SNTG1: variants seen among roughly 807,000 people sequenced by gnomAD.
SNTG1 encodes gamma-1-syntrophin.
Under a neutral mutation model 74.7 loss-of-function variants are expected in SNTG1, and 39 were observed. That is an observed-to-expected ratio of 0.52 (90% confidence interval 0.40 to 0.68). SNTG1 has a LOEUF of 0.68. Among genes scored for constraint, SNTG1 ranks in the 30% least tolerant of loss-of-function variants. The probability of loss-of-function intolerance (pLI) is 0.00; values close to 1 mark genes in which losing one functional copy is unlikely to be tolerated. For synonymous variants in SNTG1, 254 were observed against 217.1 expected (o/e 1.17, Z -1.49); for missense variants, 685 against 609.5 (o/e 1.12, Z -1.30).
chr8:50,078,766 T>C (rs1452044058), intron 1 of SNTG1, among the ~76,000 whole-genome samples: 1 of 152,134 alleles, frequency 6.6e-6, no homozygotes, highest in Non-Finnish European at 1.5e-5. Context: ...CCTGTGTCCA[T>C]GTGTTCTCAT....
chr8:49,923,524 T>C (rs1403065914), intron 1 of SNTG1, among the ~76,000 whole-genome samples: 1 of 152,172 alleles, frequency 6.6e-6, no homozygotes, highest in African/African-American at 2.4e-5. Context: ...AGATCTTCAC[T>C]GTAATGAAGC....
chr8:50,058,410 A>C (rs2130920070), intron 1 of SNTG1, among the ~76,000 whole-genome samples: 1 of 152,250 alleles, frequency 6.6e-6, no homozygotes, highest in East Asian at 1.9e-4. Context: ...ACCTTATCTA[A>C]GTCTCTATTT....
rs547013040 is a variant in SNTG1, at chr8:50,365,035, A to G, written c.-27-29177A>G. On this transcript the variant is annotated intron_variant, in intron 2 of 18. Coordinates refer to ENST00000642720, the MANE Select transcript of SNTG1 (RefSeq NM_018967.5). ...CATAATTTCTATTTATTAAGCAGTT[A>G]TTTTGTCCTTGTGCTGAGTACCTTA... Among the ~76,000 whole-genome samples the G allele has an allele frequency of 1.1e-4, 16 of 152,230 alleles. No individual in the cohort carries two copies. In the East Asian group the frequency reaches 3.1e-3, roughly 29 times the overall value.
intron 8 of SNTG1, among the ~76,000 whole-genome samples, chr8:50,484,585 C>A (rs971281635): frequency 2.6e-5 from 4 of 151,352 alleles, no homozygotes; most frequent in Non-Finnish European, 5.9e-5. Context: ...CAGGGCCTGG[C>A]GCAGTGGCTC....
At chr8:50,473,744 G>A (rs2093672187) in intron 8 of SNTG1, among the ~76,000 whole-genome samples, 1 of 152,078 alleles carries the variant, frequency 6.6e-6, no homozygotes, top group Non-Finnish European at 1.5e-5. Flanking sequence ...CCAAATGGAA[G>A]GAAATCCTTT....
chr8:50,767,695 A>G (rs2095617190), intron 18 of SNTG1, among the ~76,000 whole-genome samples: 1 of 151,998 alleles, frequency 6.6e-6, no homozygotes, highest in Non-Finnish European at 1.5e-5. Flanking sequence ...AGACACTAAT[A>G]CAGCTAGGCT....
At chr8:50,775,022 A>G (rs1315433189) in intron 18 of SNTG1, among the ~76,000 whole-genome samples, 2 of 151,000 alleles carry the variant, frequency 1.3e-5, no homozygotes, top group African/African-American at 2.4e-5. Context: ...ATATACATGT[A>G]CATATATAGT....
rs1009025461 is a variant in SNTG1, at chr8:50,230,572, CA to C, written c.-28+57943del. ...TAGAAAGTATAACATAAAAACTTCT[CA>C]AAAAAGCAATCTATAGGACAAGATC... is the stretch of plus-strand genomic sequence containing the variant. On this transcript the variant is annotated intron_variant, in intron 2 of 18. Coordinates refer to ENST00000642720, the MANE Select transcript of SNTG1 (RefSeq NM_018967.5). 7.9e-5 allele frequency among the ~76,000 whole-genome samples: 12 copies of C among 151,376 alleles called. 1 individual carries two copies. The highest frequency in any genetic ancestry group is 2.2e-4 in the African/African-American group (9 of 41,470).
rs189808354 is a variant in SNTG1, at chr8:50,010,414, A to G, written c.-103+98183A>G. On this transcript the variant is annotated intron_variant, in intron 1 of 18. Coordinates refer to ENST00000642720, the MANE Select transcript of SNTG1 (RefSeq NM_018967.5). ...TGACAATTTAATAATTTTAACAATG[A>G]GATGCAATTAATTCTTGTCATAGCC... Among the ~76,000 whole-genome samples the G allele has an allele frequency of 3.3e-5, 5 of 152,296 alleles. No individual in the cohort carries two copies. In the East Asian group the frequency reaches 9.7e-4, roughly 29 times the overall value.
chr8:50,523,280 G>T (rs2094194784), intron 9 of SNTG1, among the ~76,000 whole-genome samples: 1 of 152,132 alleles, frequency 6.6e-6, no homozygotes, highest in African/African-American at 2.4e-5. Flanking sequence ...CAAAATGCAT[G>T]TGTTCACTGG....
intron 1 of SNTG1, among the ~76,000 whole-genome samples, chr8:50,074,986 G>C (rs557336640): frequency 3.3e-5 from 5 of 152,328 alleles, no homozygotes; most frequent in Admixed American, 3.3e-4. Context: ...GCCCCAGGCA[G>C]TGAGGGGCTT....
chr8:50,763,069 G>A (rs1183030825), intron 18 of SNTG1, among the ~76,000 whole-genome samples: 1 of 151,844 alleles, frequency 6.6e-6, no homozygotes, highest in African/African-American at 2.4e-5. Context: ...TGATACTTCA[G>A]GCTTCCCCAC....
At chr8:50,671,920 C>T (rs1054333620) in intron 15 of SNTG1, among the ~76,000 whole-genome samples, 2 of 151,110 alleles carry the variant, frequency 1.3e-5, no homozygotes, top group African/African-American at 4.9e-5. Flanking sequence ...TGGAAATCAT[C>T]ATTCTCAGTA....
chr8:50,493,956 T>C (rs1396491855), intron 8 of SNTG1, among the ~76,000 whole-genome samples: 4 of 151,906 alleles, frequency 2.6e-5, no homozygotes, highest in African/African-American at 9.6e-5. Context: ...CTTTTAGAAA[T>C]ATTAAAGAGA....
intron 5 of SNTG1, among the ~76,000 whole-genome samples, chr8:50,448,063 T>C (rs1002522556): frequency 1.3e-5 from 2 of 152,162 alleles, no homozygotes; most frequent in Admixed American, 6.5e-5. Flanking sequence ...AGGGTCATCT[T>C]AGACACAGTC....
intron 5 of SNTG1, among the ~76,000 whole-genome samples, chr8:50,442,645 G>T (rs893740859): frequency 8.0e-6 from 1 of 125,586 alleles, no homozygotes; most frequent in African/African-American, 3.1e-5. Flanking sequence ...ACATACTTGT[G>T]TGCCTTTTTT....
chr8:50,003,098 T>G (rs879420243), intron 1 of SNTG1, among the ~76,000 whole-genome samples: 18 of 152,156 alleles, frequency 1.2e-4, no homozygotes, highest in Non-Finnish European at 1.9e-4. Flanking sequence ...GCTTAAGAGA[T>G]AATAGGCAGT....
At chr8:50,463,723 A>G (rs1349566609) in intron 8 of SNTG1, among the ~76,000 whole-genome samples, 2 of 152,198 alleles carry the variant, frequency 1.3e-5, no homozygotes, top group Non-Finnish European at 2.9e-5. Context: ...AAAATGGTAC[A>G]CAGACATTGG....
intron 2 of SNTG1, among the ~76,000 whole-genome samples, chr8:50,278,099 G>A (rs2088220889): frequency 6.6e-6 from 1 of 152,052 alleles, no homozygotes; most frequent in Non-Finnish European, 1.5e-5. Flanking sequence ...CTTGAACCCA[G>A]GAGGCAGAGG....
Sources: gnomAD v4.1 joint callset for allele counts (sites outside exome capture counted in the v4.1 genomes callset) on GRCh38, gnomAD v4.1.1 for gene constraint, MANE v1.5 for transcripts, NCBI Gene and HGNC (gene_info 2026-07-23, HGNC 2026-07-21) for gene names.